Variants in GAREM1 observed in about 807,000 individuals in gnomAD.
The protein encoded by GAREM1 is GRB2-associated and regulator of MAPK protein 1.
GAREM1 carries 26 observed loss-of-function variants against 71.3 expected under a neutral mutation model. The observed-to-expected ratio is 0.36, with a 90% CI of 0.27 to 0.51. The LOEUF (loss-of-function observed/expected upper bound fraction) is 0.51. Ranked by LOEUF, GAREM1 falls within the 20% of genes least tolerant of loss-of-function variation. The probability of loss-of-function intolerance (pLI) is 0.95; values close to 1 mark genes in which losing one functional copy is unlikely to be tolerated. For missense variants in GAREM1, 1,026 were observed against 1,103.1 expected, an observed-to-expected ratio of 0.93 and a Z score of 0.99; for synonymous variants, 440 against 433.2, an observed-to-expected ratio of 1.02 and a Z score of -0.20.
At chr18:32,407,064 C>A (rs1273290603) in intron 1 of GAREM1, among the ~76,000 whole-genome samples, 2 of 152,294 alleles carry the variant, frequency 1.3e-5, no homozygotes, top group Non-Finnish European at 2.9e-5. Flanking sequence ...TAACATTCAG[C>A]TATCCCAAAT....
intron 1 of GAREM1, among the ~76,000 whole-genome samples, chr18:32,423,689 G>A (rs762442681): frequency 2.0e-5 from 3 of 152,168 alleles, no homozygotes; most frequent in Admixed American, 1.3e-4. Flanking sequence ...CAAGCTTAAC[G>A]TCAGTGAGGC....
intron 1 of GAREM1, among the ~76,000 whole-genome samples, chr18:32,393,284 T>C (rs985382732): frequency 2.6e-5 from 4 of 151,940 alleles, no homozygotes; most frequent in African/African-American, 9.7e-5. Context: ...GCTATTCAAA[T>C]ATCACATTAT....
At chr18:32,283,493 G>A (rs1009780522) in intron 4 of GAREM1, among the ~76,000 whole-genome samples, 2 of 152,124 alleles carry the variant, frequency 1.3e-5, no homozygotes, top group Non-Finnish European at 2.9e-5. Context: ...GTTGCAGTGA[G>A]CCAAGATCGT....
chr18:32,277,336 T>C (rs898624870), intron 4 of GAREM1, among the ~76,000 whole-genome samples: 3 of 152,214 alleles, frequency 2.0e-5, no homozygotes, highest in African/African-American at 7.2e-5. Context: ...GGAGGTCAAC[T>C]GTACACTGAT....
Position 32,470,150 on chromosome 18 carries a change from C to T in GAREM1, c.121+158G>A. 2 of 863,970 alleles carry T rather than the reference C, an allele frequency of 2.3e-6. No homozygotes were observed. Among genetic ancestry groups the T allele is most frequent in the Non-Finnish European group, 3.1e-6 (2 of 640,438 alleles). The allele number at this position is 863,970 out of a possible 1,614,324, so 53.5% of individuals were successfully genotyped here. ...GTCTGCTGCTGGGGGGAGTTGAGAG[C>T]AACGCGCCAGGGCTGCGGCAGCCGC... On this transcript the variant is annotated intron_variant, in intron 1 of 5. Coordinates refer to ENST00000269209, the MANE Select transcript of GAREM1 (RefSeq NM_001242409.2). This position sits in a 1 kb window ranked among gnomAD's most constrained non-coding sequence, Gnocchi z 4.4.
chr18:32,408,932 AT>A (rs1431449956), intron 1 of GAREM1, among the ~76,000 whole-genome samples: 1 of 152,162 alleles, frequency 6.6e-6, no homozygotes, highest in Non-Finnish European at 1.5e-5. Flanking sequence ...GTGACTTCTA[AT>A]TCCTATATTG....
intron 2 of GAREM1, among the ~76,000 whole-genome samples, chr18:32,362,159 TCTAG>T (rs1567979530): frequency 1.3e-5 from 2 of 152,184 alleles, no homozygotes; most frequent in Non-Finnish European, 2.9e-5. Flanking sequence ...TACCAGATGT[TCTAG>T]CTCCAAGGAT....
At chr18:32,313,743 G>A (rs1380880631) in intron 2 of GAREM1, among the ~76,000 whole-genome samples, 1 of 152,092 alleles carries the variant, frequency 6.6e-6, no homozygotes, top group Non-Finnish European at 1.5e-5. Flanking sequence ...GAAGTGGAAT[G>A]GTAAAGGTGA....
At chr18:32,447,265 TA>T in intron 1 of GAREM1, among the ~76,000 whole-genome samples, 2 of 147,354 alleles carry the variant, frequency 1.4e-5, no homozygotes, top group East Asian at 4.7e-4. Flanking sequence ...AATTTAAGAC[TA>T]TTTTTCTGGT....
chr18:32,287,963 G>C lies in GAREM1; in HGVS notation c.634C>G (p.Pro212Ala). Residue 212 changes from proline (P) to alanine (A), a missense_variant, in exon 4 of 6, where the codon CCA becomes GCA. Physicochemically the swap from Pro to Ala is conservative, Grantham distance 27. Around this residue, in one of 3 missense-constraint regions of GAREM1, gnomAD observed 218 missense variants for 296.8 expected, o/e 0.73. Coordinates refer to ENST00000269209, the MANE Select transcript of GAREM1 (RefSeq NM_001242409.2). The surrounding 1 kb of genome is among the most constrained non-coding windows in gnomAD (Gnocchi z 5.9). Reference protein sequence around the residue: ...NHRTNESISLPFQCKGRFSTR... With the variant: ...NHRTNESISLAFQCKGRFSTR... Reference sequence around the variant, plus strand: ...CTAAATCTGCCCTTGCACTGGAATGGAAGGCTAATGCTTTCGTTGGTCCGG... The same window carrying C: ...CTAAATCTGCCCTTGCACTGGAATGCAAGGCTAATGCTTTCGTTGGTCCGG... 1 of 1,614,144 alleles carries C rather than the reference G, an allele frequency of 6.2e-7. No individual in the cohort carries two copies. Among genetic ancestry groups the C allele is most frequent in the Non-Finnish European group, 8.5e-7 (1 of 1,180,028 alleles).
intron 2 of GAREM1, among the ~76,000 whole-genome samples, chr18:32,392,672 T>C (rs1490222047): frequency 6.6e-6 from 1 of 152,226 alleles, no homozygotes; most frequent in Non-Finnish European, 1.5e-5. Context: ...AAAATTTCTA[T>C]CTTATAAATA....
chr18:32,403,076 C>T (rs559358751), intron 1 of GAREM1, among the ~76,000 whole-genome samples: 1 of 152,136 alleles, frequency 6.6e-6, no homozygotes, highest in African/African-American at 2.4e-5. Flanking sequence ...CACCACTACA[C>T]CCAGCTAATT....
At chr18:32,379,373 C>T (rs1008252123) in intron 2 of GAREM1, among the ~76,000 whole-genome samples, 3 of 146,724 alleles carry the variant, frequency 2.0e-5, no homozygotes, top group African/African-American at 7.6e-5. Context: ...TAGACTTGGA[C>T]TTTCTATGAC....
At position 32,353,788 on chromosome 18, in the gene GAREM1, AC is replaced by A. The variant is rs1200577721; in HGVS notation, c.262+39106del. ...GTATATGGAAATACTAGAAAGTTGA[AC>A]CTGGGCCTTTATGATTTAGAATTGA... On this transcript the variant is annotated intron_variant, in intron 2 of 5. Transcript: ENST00000269209. Among the ~76,000 whole-genome samples the A allele has an allele frequency of 2.6e-5, 4 of 152,302 alleles. No individual in the cohort carries two copies. The East Asian group carries it at 7.7e-4, about 29-fold the overall frequency.
intron 2 of GAREM1, among the ~76,000 whole-genome samples, chr18:32,361,297 T>C (rs1350896960): frequency 6.6e-6 from 1 of 152,218 alleles, no homozygotes; most frequent in Non-Finnish European, 1.5e-5. Context: ...TCACTTTTTG[T>C]TGGCATGAGC....
chr18:32,399,560 C>T (rs1381494250), intron 1 of GAREM1, among the ~76,000 whole-genome samples: 1 of 152,134 alleles, frequency 6.6e-6, no homozygotes, highest in African/African-American at 2.4e-5. Context: ...CATGAGTGAA[C>T]ACCCATTCAC....
intron 2 of GAREM1, among the ~76,000 whole-genome samples, chr18:32,336,425 G>A (rs1267942305): frequency 3.3e-5 from 4 of 122,422 alleles, no homozygotes; most frequent in African/African-American, 1.0e-4. Context: ...GCGAGACTCC[G>A]TCTCAAAAAA....
chr18:32,387,121 A>AGT (rs138829611), intron 2 of GAREM1, among the ~76,000 whole-genome samples: 31,036 of 151,716 alleles, frequency 0.2, 3,935 homozygotes, highest in African/African-American at 0.36. Flanking sequence ...CACCAGCTTT[A>AGT]GGTAACCAAC....
At chr18:32,272,941 C>T (rs796737329) in intron 4 of GAREM1, among the ~76,000 whole-genome samples, 63 of 152,332 alleles carry the variant, frequency 4.1e-4, no homozygotes, top group African/African-American at 1.4e-3. Context: ...TGGGCCACCC[C>T]GCTTTCTGGC....
Sources: gnomAD v4.1 joint callset for allele counts (sites outside exome capture counted in the v4.1 genomes callset) on GRCh38, gnomAD v4.1.1 for gene constraint, gnomAD v4.1.1 regional missense constraint, Gnocchi (gnomAD v3.1) non-coding constraint, MANE v1.5 for transcripts, NCBI Gene and HGNC (gene_info 2026-07-23, HGNC 2026-07-21) for gene names.